The following LRFN2 variants were observed in gnomAD, a reference collection of about 807,000 sequenced individuals.
LRFN2 encodes leucine-rich repeat and fibronectin type-III domain-containing protein 2.
In LRFN2, 18 loss-of-function variants were observed where a neutral mutation model predicts 37.3. The observed-to-expected ratio is 0.48, with a 90% CI of 0.33 to 0.72. The LOEUF (loss-of-function observed/expected upper bound fraction) is 0.72. LRFN2 is among the 30% of genes least tolerant of loss of function. The probability of loss-of-function intolerance (pLI) is 0.02; values close to 1 mark genes in which losing one functional copy is unlikely to be tolerated. For synonymous variants in LRFN2, 556 were observed against 466.6 expected (o/e 1.19, Z -2.47); for missense variants, 1,006 against 1,060.7 (o/e 0.95, Z 0.72).
intron 1 of LRFN2, among the ~76,000 whole-genome samples, chr6:40,551,924 C>A (rs959878625): frequency 2.6e-5 from 4 of 152,104 alleles, no homozygotes; most frequent in Non-Finnish European, 5.9e-5. Context: ...TCCAATTCAC[C>A]CATTTCACTG....
At chr6:40,469,129 A>T (rs1387117762) in intron 1 of LRFN2, among the ~76,000 whole-genome samples, 1 of 152,172 alleles carries the variant, frequency 6.6e-6, no homozygotes, top group Non-Finnish European at 1.5e-5. Flanking sequence ...AGGGGAAGAC[A>T]CACAGAGAGG....
intron 2 of LRFN2, among the ~76,000 whole-genome samples, chr6:40,424,069 T>A (rs1314599487): frequency 1.3e-5 from 2 of 152,218 alleles, no homozygotes; most frequent in South Asian, 2.1e-4. Flanking sequence ...CAGAGTCATC[T>A]TTTTCTGTGA....
intron 1 of LRFN2, among the ~76,000 whole-genome samples, chr6:40,515,831 T>G (rs1765851610): frequency 6.9e-6 from 1 of 145,924 alleles, no homozygotes. Context: ...AGGAGGAGGT[T>G]GCAGTGAGCC....
chr6:40,586,172 T>G (rs1767499789), intron 1 of LRFN2, among the ~76,000 whole-genome samples: 1 of 152,182 alleles, frequency 6.6e-6, no homozygotes, highest in Non-Finnish European at 1.5e-5. Context: ...AGAAGGTCTG[T>G]GCAAAGTAAG....
chr6:40,460,935 C>T (rs1014960053), intron 1 of LRFN2, among the ~76,000 whole-genome samples: 1 of 152,098 alleles, frequency 6.6e-6, no homozygotes, highest in Non-Finnish European at 1.5e-5. Context: ...GCTGAGTCTA[C>T]GGAACAACTA....
chr6:40,462,409 C>T (rs925936116), intron 1 of LRFN2, among the ~76,000 whole-genome samples: 4 of 152,164 alleles, frequency 2.6e-5, no homozygotes, highest in African/African-American at 9.7e-5. Context: ...AGCACATGGA[C>T]TCCATTCTGG....
At chr6:40,451,507 A>C (rs1364233961) in intron 1 of LRFN2, among the ~76,000 whole-genome samples, 1 of 152,176 alleles carries the variant, frequency 6.6e-6, no homozygotes, top group Admixed American at 6.5e-5. Flanking sequence ...CCCCTGGGGG[A>C]AGCAGCATCT....
Position 40,553,964 on chromosome 6 carries a change from G to A in LRFN2, c.-19+32977C>T, listed in dbSNP as rs565014307. ...TACTGTTACTCAAGGACCCAGAGAGGCCGCTGTCTCTCCTGTGGTTTCAGG... is the reference window on the plus strand; with the variant it reads ...TACTGTTACTCAAGGACCCAGAGAGACCGCTGTCTCTCCTGTGGTTTCAGG... On this transcript the variant is annotated intron_variant, in intron 1 of 2. Coordinates refer to ENST00000338305, the MANE Select transcript of LRFN2 (RefSeq NM_020737.3). Among the ~76,000 whole-genome samples, 5 of 152,270 alleles carry A rather than the reference G, an allele frequency of 3.3e-5. No individual in the cohort carries two copies. In the East Asian group the frequency reaches 7.7e-4, roughly 24 times the overall value.
chr6:40,410,021 A>G (rs1312917348), intron 2 of LRFN2, among the ~76,000 whole-genome samples: 1 of 152,164 alleles, frequency 6.6e-6, no homozygotes, highest in East Asian at 1.9e-4. Context: ...CAGTCTGCTC[A>G]GGAAGGAATT....
At chr6:40,444,151 T>C (rs745634327) in intron 1 of LRFN2, among the ~76,000 whole-genome samples, 3 of 152,176 alleles carry the variant, frequency 2.0e-5, no homozygotes, top group Admixed American at 1.3e-4. Flanking sequence ...GAGAGTTTAT[T>C]TGGAGGAGCA....
At chr6:40,488,132 A>T (rs1376438237) in intron 1 of LRFN2, among the ~76,000 whole-genome samples, 1 of 152,222 alleles carries the variant, frequency 6.6e-6, no homozygotes, top group Non-Finnish European at 1.5e-5. Context: ...ATGAGAAAGT[A>T]GAATAAATAG....
chr6:40,421,280 A>T (rs1763222718), intron 2 of LRFN2, among the ~76,000 whole-genome samples: 1 of 152,202 alleles, frequency 6.6e-6, no homozygotes, highest in South Asian at 2.1e-4. Flanking sequence ...CCATTTAGAA[A>T]GTTTATTTTG....
intron 1 of LRFN2, among the ~76,000 whole-genome samples, chr6:40,530,024 T>G (rs1233483128): frequency 2.6e-5 from 4 of 152,238 alleles, no homozygotes; most frequent in Non-Finnish European, 4.4e-5. Context: ...GTGGCCCCTA[T>G]GGGTGAATGT....
intron 1 of LRFN2, among the ~76,000 whole-genome samples, chr6:40,504,734 G>A (rs373286398): frequency 3.0e-4 from 46 of 151,934 alleles, no homozygotes; most frequent in East Asian, 2.3e-3. Context: ...AGTGAGTCAC[G>A]GCCAGCCTCA....
chr6:40,391,670 T>G lies in LRFN2; in HGVS notation c.*273A>C. On this transcript the variant is annotated 3_prime_UTR_variant, in exon 3 of 3. Coordinates refer to ENST00000338305, the MANE Select transcript of LRFN2 (RefSeq NM_020737.3). Reference sequence around the variant, plus strand: ...CAAAGCCGCTTGCTTGTAGGCTACATTTGTGATTAGAAAGGCGGAGTCTCG... The same window carrying G: ...CAAAGCCGCTTGCTTGTAGGCTACAGTTGTGATTAGAAAGGCGGAGTCTCG... The G allele has an allele frequency of 2.8e-6, 1 of 355,222 alleles. No homozygotes were observed. Among genetic ancestry groups the G allele is most frequent in the Non-Finnish European group, 5.0e-6 (1 of 198,458 alleles). 22.0% of individuals were successfully genotyped at this position (355,222 alleles called of 1,614,324 possible).
At chr6:40,521,371 G>A (rs993320004) in intron 1 of LRFN2, among the ~76,000 whole-genome samples, 3 of 152,234 alleles carry the variant, frequency 2.0e-5, no homozygotes, top group Non-Finnish European at 2.9e-5. Context: ...GAGGCTGGGG[G>A]CTGGAGGAGC....
At chr6:40,541,519 G>T (rs997387063) in intron 1 of LRFN2, among the ~76,000 whole-genome samples, 1 of 152,170 alleles carries the variant, frequency 6.6e-6, no homozygotes, top group African/African-American at 2.4e-5. Flanking sequence ...CAAGATCCAG[G>T]ACGGGGCGGG....
At chr6:40,529,994 T>C (rs1288101585) in intron 1 of LRFN2, among the ~76,000 whole-genome samples, 2 of 152,236 alleles carry the variant, frequency 1.3e-5, no homozygotes, top group African/African-American at 4.8e-5. Context: ...CTTCCACTTT[T>C]CTCCAGCTAG....
At chr6:40,570,739 T>G (rs1044506961) in intron 1 of LRFN2, among the ~76,000 whole-genome samples, 5 of 152,218 alleles carry the variant, frequency 3.3e-5, no homozygotes, top group Non-Finnish European at 7.3e-5. Flanking sequence ...GGACGAGTAG[T>G]GTCCAGCCAT....
Sources: allele counts gnomAD v4.1 joint callset (sites outside exome capture counted in the v4.1 genomes callset), GRCh38; gene constraint gnomAD v4.1.1; transcripts MANE v1.5; gene names NCBI Gene and HGNC (gene_info 2026-07-23, HGNC 2026-07-21).